CENPF: variants seen among roughly 807,000 people sequenced by gnomAD.
CENPF encodes centromere protein F.
A neutral mutation model predicts 307.3 loss-of-function variants in CENPF; 214 were observed. That is an observed-to-expected ratio of 0.70 (90% CI 0.62 to 0.78). The LOEUF (loss-of-function observed/expected upper bound fraction) is 0.78, where lower values mean the gene tolerates loss of function less well. Ranked by LOEUF, CENPF falls within the 30% of genes least tolerant of loss-of-function variation. CENPF has a pLI of 0.00. For synonymous variants in CENPF, 1,259 were observed against 1,270.6 expected, an observed-to-expected ratio of 0.99 and a Z score of 0.19; for missense variants, 3,401 against 3,483.9, an observed-to-expected ratio of 0.98 and a Z score of 0.60.
intron 6 of CENPF, 76 bp downstream of exon 6, chr1:214,621,022 C>A: frequency 7.2e-7 from 1 of 1,389,800 alleles, no homozygotes; most frequent in Non-Finnish European, 9.8e-7. Context: ...TATTTTTAAT[C>A]CCATAAAGTG....
intron 5 of CENPF, among the ~76,000 whole-genome samples, chr1:214,619,884 A>T (rs893122738): frequency 1.3e-5 from 2 of 152,186 alleles, no homozygotes; most frequent in African/African-American, 4.8e-5. Context: ...TATCAAGATG[A>T]ATAAAAATTA....
At chr1:214,625,531 A>T (rs1034043462) in intron 7 of CENPF, among the ~76,000 whole-genome samples, 1 of 152,114 alleles carries the variant, frequency 6.6e-6, no homozygotes, top group Non-Finnish European at 1.5e-5. Context: ...TCCACTGTCT[A>T]TCTTTTAATG....
At chr1:214,612,264 G>C (rs1216732122) in intron 1 of CENPF, among the ~76,000 whole-genome samples, 1 of 152,174 alleles carries the variant, frequency 6.6e-6, no homozygotes, top group Non-Finnish European at 1.5e-5. Flanking sequence ...CTTATGTGAT[G>C]AATCATATTT....
At position 214,663,593 on chromosome 1, in the gene CENPF, CAA is replaced by C. The variant is rs1308137609; in HGVS notation, c.9146_9147del (p.Lys3049SerfsTer25). On this transcript the variant is annotated frameshift_variant, in exon 20 of 20. Coordinates refer to ENST00000366955, the MANE Select transcript of CENPF (RefSeq NM_016343.4). LOFTEE classifies it low-confidence loss of function (END_TRUNC). Reference protein sequence around the residue: ...TAGGSRSQKVKVAQRSPVDSG... With the variant: ...TAGGSRSQKVXVAQRSPVDSG... ...TAACAGAGATGTTTGTGTTGCAGGT[CAA>C]AGTTGCTCAGCGGAGCCCAGTAGAT... 6.2e-7 allele frequency: 1 copy of C among 1,613,884 alleles called. No homozygotes were observed. Among genetic ancestry groups the C allele is most frequent in the Non-Finnish European group, 8.5e-7 (1 of 1,179,968 alleles).
intron 13 of CENPF, 194 bp from the exon 14 acceptor site, chr1:214,648,481 C>T (rs1027077482): frequency 1.5e-5 from 11 of 746,848 alleles, no homozygotes; most frequent in African/African-American, 3.4e-5. Flanking sequence ...TAAATCTTTT[C>T]TGGGAAGAAA....
In CENPF at chr1:214,642,321, G is replaced by A. The variant is rs751835284; in HGVS notation, c.3983G>A (p.Cys1328Tyr). The A allele has an allele frequency of 3.7e-6, 6 of 1,613,546 alleles. No individual in the cohort carries two copies. The highest frequency in any genetic ancestry group is 1.3e-5 in the African/African-American group (1 of 74,914). ...GAGCTGAATGATTCAAGGTCAGAAT[G>A]TATCACAGCAACTAGGAAAATGGCA... is the stretch of plus-strand genomic sequence containing the variant. Reference protein sequence around the residue: ...VTELNDSRSECITATRKMAEE... With the variant: ...VTELNDSRSEYITATRKMAEE... The change falls in exon 12 of 20, where the codon TGT becomes TAT. Residue 1328 changes from cysteine (C) to tyrosine (Y), a missense_variant. Cys to Tyr is a radical substitution (Grantham distance 194). Transcript: ENST00000366955.
Position 214,657,031 on chromosome 1 carries a change from G to T in CENPF, c.8584G>T (p.Asp2862Tyr). ...AACCAAGGAGGCAGATGAATACTTG[G>T]ATAAGTACTGTTCCTTGCTTATAAG... is the stretch of plus-strand genomic sequence containing the variant. ...EKTKEADEYL[D>Y]KYCSLLISHE... Residue 2862 changes from aspartate to tyrosine, a missense_variant, in exon 18 of 20, where the codon GAT becomes TAT. Asp to Tyr is a radical substitution (Grantham distance 160, BLOSUM62 -3). Transcript: ENST00000366955. 11 of 1,614,064 alleles carry T rather than the reference G, an allele frequency of 6.8e-6. No individual in the cohort carries two copies. The highest frequency in any genetic ancestry group is 9.3e-6 in the Non-Finnish European group (11 of 1,179,982).
At chr1:214,656,269 G>T (rs748088360) in intron 17 of CENPF, among the ~76,000 whole-genome samples, 1 of 152,162 alleles carries the variant, frequency 6.6e-6, no homozygotes, top group African/African-American at 2.4e-5. Context: ...AATCTGACTG[G>T]CTTCTCTGGT....
intron 6 of CENPF, among the ~76,000 whole-genome samples, chr1:214,621,729 C>T (rs1004891198): frequency 3.9e-5 from 6 of 152,168 alleles, no homozygotes; most frequent in Non-Finnish European, 5.9e-5. Context: ...ATATAGTTTG[C>T]TGTTGTGTAA....
At chr1:214,621,724 G>A (rs772406839) in intron 6 of CENPF, among the ~76,000 whole-genome samples, 21 of 152,140 alleles carry the variant, frequency 1.4e-4, no homozygotes, top group Admixed American at 5.2e-4. Flanking sequence ...AACAAATATA[G>A]TTTGCTGTTG....
At chr1:214,631,676 T>G (rs1161837845) in intron 9 of CENPF, among the ~76,000 whole-genome samples, 1 of 152,110 alleles carries the variant, frequency 6.6e-6, no homozygotes, top group African/African-American at 2.4e-5. Context: ...ATTTTTGTAT[T>G]TTTAGTAGAG....
chr1:214,643,433 A>T (rs1378449583), intron 12 of CENPF, 109 bp downstream of exon 12: 2 of 1,032,716 alleles, frequency 1.9e-6, no homozygotes, highest in Non-Finnish European at 2.6e-6. Flanking sequence ...AAATATTTTT[A>T]GGGTTCAAGG....
intron 7 of CENPF, among the ~76,000 whole-genome samples, chr1:214,627,001 A>T (rs1263143273): frequency 5.3e-5 from 8 of 152,162 alleles, no homozygotes; most frequent in Admixed American, 5.2e-4. Context: ...TAAAATCGTG[A>T]ATTAATATTT....
intron 1 of CENPF, among the ~76,000 whole-genome samples, chr1:214,607,479 G>A (rs1436504653): frequency 6.6e-6 from 1 of 152,144 alleles, no homozygotes; most frequent in African/African-American, 2.4e-5. Flanking sequence ...CCAGGGTGGT[G>A]CCAGGGGACC....
intron 3 of CENPF, among the ~76,000 whole-genome samples, chr1:214,616,897 CTTTCTTTCTTTCTTTCTTTCTTTCTTCT>C (rs1484512904): frequency 2.2e-4 from 17 of 75,722 alleles, no homozygotes; most frequent in Non-Finnish European, 4.5e-4. Flanking sequence ...TTCTTTCTTT[CTTTCTTTCTTTCTTTCTTTCTTTCTTCT>C]TTCTTTCCAC....
chr1:214,645,367 C>G lies in CENPF; in HGVS notation c.5797C>G (p.Leu1933Val), dbSNP rs1571719101. The part of the protein sequence containing the change: ...ADLEVVQTEK[L>V]CLEKDNENKQ... ...CTTAGAGGTAGTTCAAACAGAGAAGCTATGTTTAGAAAAAGACAATGAAAA... is the reference window on the plus strand; with the variant it reads ...CTTAGAGGTAGTTCAAACAGAGAAGGTATGTTTAGAAAAAGACAATGAAAA... Residue 1933 changes from leucine to valine, a missense_variant, in exon 13 of 20, where the codon CTA (leucine) becomes GTA (valine). Leu to Val is a conservative substitution (Grantham distance 32). Coordinates refer to ENST00000366955, the MANE Select transcript of CENPF (RefSeq NM_016343.4). 1 of 1,613,992 alleles carries G rather than the reference C, an allele frequency of 6.2e-7. No homozygotes were observed. Among genetic ancestry groups the G allele is most frequent in the Non-Finnish European group, 8.5e-7 (1 of 1,180,018 alleles).
At chr1:214,626,017 G>GTA (rs915758309) in intron 7 of CENPF, among the ~76,000 whole-genome samples, 21 of 152,112 alleles carry the variant, frequency 1.4e-4, no homozygotes, top group African/African-American at 2.9e-4. Context: ...ACGTGTGTGT[G>GTA]TATATATATA....
chr1:214,607,114 C>A (rs1657055157), intron 1 of CENPF, among the ~76,000 whole-genome samples: 2 of 152,236 alleles, frequency 1.3e-5, no homozygotes, highest in South Asian at 4.1e-4. Context: ...TCTGCCTTAG[C>A]CTCCCTGGCC....
rs3790646 is a variant in CENPF, at chr1:214,645,503, A to G, written c.5933A>G (p.Asp1978Gly). ...DTMSKKTTAL[D>G]QLSEKMKEKT... The stretch of plus-strand genomic sequence containing the variant: ...ATGTCAAAAAAAACCACGGCACTGG[A>G]TCAGTTGTCTGAAAAAATGAAGGAG... The change falls in exon 13 of 20, where the codon GAT (aspartate) becomes GGT (glycine). Residue 1978 changes from aspartate to glycine, a missense_variant. By Grantham distance (94) the Asp-to-Gly change is moderately conservative. Transcript: ENST00000366955. 102,733 of 1,614,072 alleles carry G rather than the reference A, an allele frequency of 0.064. 4,282 individuals carry two copies. Among genetic ancestry groups the G allele is most frequent in the South Asian group, 0.15 (13,471 of 91,078 alleles).
Sources: gnomAD v4.1 joint callset for allele counts (sites outside exome capture counted in the v4.1 genomes callset) on GRCh38, gnomAD v4.1.1 for gene constraint, MANE v1.5 for transcripts, NCBI Gene and HGNC (gene_info 2026-07-23, HGNC 2026-07-21) for gene names.